DLGAP2: variants seen among roughly 807,000 people sequenced by gnomAD.
The protein encoded by DLGAP2 is disks large-associated protein 2.
Under a neutral mutation model 100.3 loss-of-function variants are expected in DLGAP2, and 26 were observed. The ratio of observed to expected loss-of-function variants is 0.26; its 90% CI spans 0.19 to 0.36. DLGAP2 has a LOEUF of 0.36. Ranked by LOEUF, DLGAP2 falls within the 10% of genes least tolerant of loss-of-function variation. The pLI is 1.00. For synonymous variants in DLGAP2, 886 were observed against 630.1 expected (o/e 1.41, Z -6.08); for missense variants, 1,858 against 1,453.2 (o/e 1.28, Z -4.53).
chr8:1,224,568 T>G (rs1312788700), intron 2 of DLGAP2, among the ~76,000 whole-genome samples: 1 of 152,088 alleles, frequency 6.6e-6, no homozygotes, highest in Non-Finnish European at 1.5e-5. Flanking sequence ...AACTGTAACT[T>G]TATTATTTGA....
intron 2 of DLGAP2, among the ~76,000 whole-genome samples, chr8:1,174,040 T>G (rs1797195272): frequency 6.6e-6 from 1 of 152,126 alleles, no homozygotes; most frequent in African/African-American, 2.4e-5. Flanking sequence ...CTCGATCCCA[T>G]TGTTCATGAC....
chr8:1,309,968 G>T (rs887324639), intron 3 of DLGAP2, among the ~76,000 whole-genome samples: 10 of 150,846 alleles, frequency 6.6e-5, no homozygotes, highest in Non-Finnish European at 7.4e-5. Flanking sequence ...GGTGTTGGTT[G>T]CCTGTAATCC....
chr8:1,637,795 G>A (rs1386957139), intron 8 of DLGAP2, among the ~76,000 whole-genome samples: 1 of 152,188 alleles, frequency 6.6e-6, no homozygotes, highest in Non-Finnish European at 1.5e-5. Flanking sequence ...AGTTGCAGTT[G>A]AAGAGCTCGT....
At chr8:1,603,346 C>G (rs1167795909) in intron 6 of DLGAP2, among the ~76,000 whole-genome samples, 1 of 149,008 alleles carries the variant, frequency 6.7e-6, no homozygotes, top group South Asian at 2.1e-4. Flanking sequence ...GAGGCTGGGT[C>G]TCAGTTCCAT....
intron 2 of DLGAP2, among the ~76,000 whole-genome samples, chr8:1,028,110 C>T (rs1419429860): frequency 1.5e-5 from 2 of 133,770 alleles, no homozygotes; most frequent in African/African-American, 2.9e-5. Flanking sequence ...GCCAGGGGCC[C>T]GTTATTCTCC....
At chr8:907,394 C>G (rs896421314) in intron 1 of DLGAP2, among the ~76,000 whole-genome samples, 2 of 152,188 alleles carry the variant, frequency 1.3e-5, no homozygotes, top group South Asian at 4.1e-4. Context: ...CTTCACTTAC[C>G]AAATAAGATA....
At chr8:1,083,489 C>CA (rs1180563985) in intron 2 of DLGAP2, among the ~76,000 whole-genome samples, 1 of 152,110 alleles carries the variant, frequency 6.6e-6, no homozygotes, top group East Asian at 1.9e-4. Context: ...TTTTAGTGCC[C>CA]AAATTTATGC....
At chr8:1,338,822 T>TC (rs71190723) in intron 3 of DLGAP2, among the ~76,000 whole-genome samples, 9 of 86,198 alleles carry the variant, frequency 1.0e-4, no homozygotes, top group African/African-American at 1.2e-4. Context: ...TGCAGTGACC[T>TC]AAGGGAAGTG....
At chr8:1,353,971 C>T (rs75718470) in intron 3 of DLGAP2, among the ~76,000 whole-genome samples, 3,659 of 152,212 alleles carry the variant, frequency 0.024, 157 homozygotes, top group African/African-American at 0.084. Flanking sequence ...AGTAAGTGGA[C>T]GTTTTTTTAA....
intron 6 of DLGAP2, among the ~76,000 whole-genome samples, chr8:1,589,291 T>C (rs1272380490): frequency 6.6e-6 from 1 of 152,250 alleles, no homozygotes; most frequent in African/African-American, 2.4e-5. Context: ...TAAAAACAAA[T>C]TATCCTTGTA....
At chr8:1,328,627 A>T (rs1801078095) in intron 3 of DLGAP2, among the ~76,000 whole-genome samples, 1 of 152,208 alleles carries the variant, frequency 6.6e-6, no homozygotes. Context: ...CTGGGATTAC[A>T]GGCGGAAGCC....
intron 3 of DLGAP2, among the ~76,000 whole-genome samples, chr8:1,426,366 C>G (rs1218500202): frequency 6.6e-6 from 1 of 152,062 alleles, no homozygotes; most frequent in Admixed American, 6.6e-5. Flanking sequence ...CTGAGTTGCC[C>G]ACGAGAACAT....
chr8:817,798 G>A (rs1430705727), intron 1 of DLGAP2, among the ~76,000 whole-genome samples: 2 of 152,208 alleles, frequency 1.3e-5, no homozygotes, highest in Non-Finnish European at 2.9e-5. Flanking sequence ...TGTCTGCAGA[G>A]TCCTGTGATG....
chr8:1,359,957 G>C (rs763967713), intron 3 of DLGAP2, among the ~76,000 whole-genome samples: 7 of 152,212 alleles, frequency 4.6e-5, no homozygotes, highest in Non-Finnish European at 1.0e-4. Flanking sequence ...TGAGTTCGTG[G>C]ACGAGTCCAC....
At chr8:1,431,715 A>C (rs548377421) in intron 3 of DLGAP2, among the ~76,000 whole-genome samples, 1 of 151,976 alleles carries the variant, frequency 6.6e-6, no homozygotes, top group South Asian at 2.1e-4. Context: ...TCCCGGGCTT[A>C]CTCTCCTGGG....
chr8:1,198,408 G>A (rs1473856844), intron 2 of DLGAP2, among the ~76,000 whole-genome samples: 1 of 152,164 alleles, frequency 6.6e-6, no homozygotes, highest in Non-Finnish European at 1.5e-5. Context: ...CCTGGACCTT[G>A]TGTCCTGGGT....
intron 6 of DLGAP2, among the ~76,000 whole-genome samples, chr8:1,576,450 T>C (rs772394287): frequency 2.6e-5 from 4 of 152,256 alleles, no homozygotes; most frequent in Non-Finnish European, 5.9e-5. Context: ...TTTCTTTTGC[T>C]GTTCAGAAGC....
chr8:763,689 C>T (rs1343225669), intron 1 of DLGAP2, among the ~76,000 whole-genome samples: 2 of 151,916 alleles, frequency 1.3e-5, no homozygotes, highest in African/African-American at 4.8e-5. Context: ...CACACCTCAC[C>T]GGGGACTCGG....
intron 7 of DLGAP2, among the ~76,000 whole-genome samples, chr8:1,631,669 C>A (rs1797650793): frequency 6.6e-6 from 1 of 152,238 alleles, no homozygotes; most frequent in Admixed American, 6.5e-5. Flanking sequence ...TGGCATGGGT[C>A]TGTCTTCCCT....
Sources: gnomAD v4.1 joint callset for allele counts (sites outside exome capture counted in the v4.1 genomes callset) on GRCh38, gnomAD v4.1.1 for gene constraint, MANE v1.5 for transcripts, NCBI Gene and HGNC (gene_info 2026-07-23, HGNC 2026-07-21) for gene names.